GALNT7: variants seen among roughly 807,000 people sequenced by gnomAD.
GALNT7 encodes polypeptide N-acetylgalactosaminyltransferase 7.
A neutral mutation model predicts 82.1 loss-of-function variants in GALNT7; 60 were observed. The observed-to-expected ratio is 0.73, with a 90% CI of 0.59 to 0.91. GALNT7 has a LOEUF of 0.91. Among genes scored for constraint, GALNT7 ranks in the 40% least tolerant of loss-of-function variants. The pLI, the probability that GALNT7 is intolerant of heterozygous loss-of-function variation, is 0.00. For synonymous variants in GALNT7, 243 were observed against 275.1 expected (o/e 0.88, Z 1.15); for missense variants, 660 against 804.2 (o/e 0.82, Z 2.17).
chr4:173,284,442 T>C (rs1736237679), intron 2 of GALNT7, among the ~76,000 whole-genome samples: 2 of 152,208 alleles, frequency 1.3e-5, no homozygotes, highest in African/African-American at 4.8e-5. Context: ...TGGACATATG[T>C]TAATATTTTT....
intron 1 of GALNT7, among the ~76,000 whole-genome samples, chr4:173,224,863 A>T (rs984109846): frequency 6.6e-6 from 1 of 151,744 alleles, no homozygotes. Flanking sequence ...ATTAAAAAAA[A>T]AATTAGCCAG....
At chr4:173,308,833 G>A (rs1427840253) in intron 8 of GALNT7, among the ~76,000 whole-genome samples, 1 of 152,180 alleles carries the variant, frequency 6.6e-6, no homozygotes. Flanking sequence ...AACCCTGGAG[G>A]CAGAGTTTGC....
chr4:173,293,170 T>TA (rs1355191112), intron 3 of GALNT7, among the ~76,000 whole-genome samples: 4 of 152,090 alleles, frequency 2.6e-5, no homozygotes, highest in African/African-American at 4.8e-5. Context: ...TATCATATCC[T>TA]AAAAAAAGTG....
rs59676800 is a variant in GALNT7 at position 173,265,587 on chromosome 4, A to ATCTCTC, written c.587+17175_587+17180dup. On this transcript the variant is annotated intron_variant, in intron 2 of 11. Transcript: ENST00000265000. Reference sequence around the variant, plus strand: ...TACTAGCAGTGATGGTGGCGTAAGCATCTCTCTCTCTCTCTCTCTCTCTCT... The same window carrying ATCTCTC: ...TACTAGCAGTGATGGTGGCGTAAGCATCTCTCTCTCTCTCTCTCTCTCTCTCTCTCT... Among the ~76,000 whole-genome samples the ATCTCTC allele has an allele frequency of 6.2e-3, 726 of 117,994 alleles. 4 individuals are homozygous for ATCTCTC. The highest frequency in any genetic ancestry group is 0.019 in the Middle Eastern group (4 of 212). 77.4% of individuals were successfully genotyped at this position (117,994 alleles called of 152,430 possible).
intron 1 of GALNT7, among the ~76,000 whole-genome samples, chr4:173,221,751 C>G (rs1029455484): frequency 1.3e-5 from 2 of 152,140 alleles, no homozygotes; most frequent in Non-Finnish European, 2.9e-5. Flanking sequence ...TTTTAACATT[C>G]GGCTCTGACT....
At chr4:173,306,059 C>G (rs748848958) in intron 8 of GALNT7, among the ~76,000 whole-genome samples, 5 of 151,890 alleles carry the variant, frequency 3.3e-5, no homozygotes, top group Non-Finnish European at 7.4e-5. Flanking sequence ...TTTGTGTATT[C>G]TTCAATTTAT....
At chr4:173,259,701 G>A (rs991210433) in intron 2 of GALNT7, among the ~76,000 whole-genome samples, 40 of 152,040 alleles carry the variant, frequency 2.6e-4, no homozygotes, top group Non-Finnish European at 5.1e-4. Flanking sequence ...GCAGTGGCAC[G>A]ATCTCAGCTC....
At chr4:173,266,927 G>GT (rs1735522163) in intron 2 of GALNT7, among the ~76,000 whole-genome samples, 6 of 146,278 alleles carry the variant, frequency 4.1e-5, no homozygotes, top group East Asian at 2.0e-4. Context: ...GTGTGTGTGT[G>GT]GAGGGCTGGG....
intron 1 of GALNT7, among the ~76,000 whole-genome samples, chr4:173,178,174 G>A (rs1051783395): frequency 1.3e-5 from 2 of 151,898 alleles, no homozygotes; most frequent in African/African-American, 4.8e-5. Flanking sequence ...TCTGAAATCT[G>A]GTGATTTGAA....
intron 11 of GALNT7, among the ~76,000 whole-genome samples, chr4:173,321,272 A>T (rs1437548926): frequency 6.6e-6 from 1 of 152,180 alleles, no homozygotes; most frequent in South Asian, 2.1e-4. Context: ...TGGGAATGTC[A>T]TTAGCCAGGA....
intron 1 of GALNT7, among the ~76,000 whole-genome samples, chr4:173,220,041 G>A (rs567407298): frequency 2.6e-4 from 40 of 152,228 alleles, no homozygotes; most frequent in African/African-American, 9.1e-4. Flanking sequence ...ATTTGCTTTT[G>A]GGTCCTTAGT....
intron 1 of GALNT7, among the ~76,000 whole-genome samples, chr4:173,227,472 C>G (rs1309221912): frequency 6.6e-6 from 1 of 152,196 alleles, no homozygotes; most frequent in Admixed American, 6.5e-5. Flanking sequence ...GCTGGGACTA[C>G]AGGCACCCAC....
In GALNT7 at chr4:173,292,377, C is replaced by A; in HGVS notation, c.754+103C>A. The A allele has an allele frequency of 3.0e-6, 2 of 669,256 alleles. No homozygotes were observed. Among genetic ancestry groups the A allele is most frequent in the Non-Finnish European group, 5.1e-6 (2 of 395,004 alleles). The allele number at this position is 669,256 out of a possible 1,614,324, so 41.5% of individuals were successfully genotyped here. A position where few individuals can be genotyped will look rare whatever the true frequency, so the allele number is the denominator to read the frequency against. On this transcript the variant is annotated intron_variant, in intron 3 of 11. Coordinates refer to ENST00000265000, the MANE Select transcript of GALNT7 (RefSeq NM_017423.3). This position sits in a 1 kb window ranked among gnomAD's most constrained non-coding sequence, Gnocchi z 4.8. ...ATTAGCTTTAAAAAATTAATAGCAT[C>A]TATTGATAGCATCTGTTATCAACAA...
chr4:173,274,564 C>T (rs1360962691), intron 2 of GALNT7, among the ~76,000 whole-genome samples: 1 of 152,078 alleles, frequency 6.6e-6, no homozygotes, highest in East Asian at 1.9e-4. Context: ...AATCATATAA[C>T]CTAACAGAGC....
chr4:173,224,651 T>TA, intron 1 of GALNT7, among the ~76,000 whole-genome samples: 1 of 152,340 alleles, frequency 6.6e-6, no homozygotes, highest in East Asian at 1.9e-4. Flanking sequence ...AGTTTTGAAT[T>TA]ACAATAAAAT....
At chr4:173,170,209 G>T (rs927973806) in intron 1 of GALNT7, among the ~76,000 whole-genome samples, 7 of 152,222 alleles carry the variant, frequency 4.6e-5, no homozygotes, top group African/African-American at 9.6e-5. Flanking sequence ...GCCAGTGGGG[G>T]TAGGAGAGGG....
chr4:173,178,069 G>GCA (rs1192308719), intron 1 of GALNT7, among the ~76,000 whole-genome samples: 1 of 145,498 alleles, frequency 6.9e-6, no homozygotes, highest in African/African-American at 2.7e-5. Flanking sequence ...ACGCGCGTGC[G>GCA]CACAGACACC....
chr4:173,198,348 G>A (rs1002226269), intron 1 of GALNT7, among the ~76,000 whole-genome samples: 14 of 152,092 alleles, frequency 9.2e-5, no homozygotes, highest in African/African-American at 2.7e-4. Flanking sequence ...GATTACAGGC[G>A]TGAGCCACCG....
intron 1 of GALNT7, among the ~76,000 whole-genome samples, chr4:173,239,388 C>T (rs1007238161): frequency 6.6e-6 from 1 of 152,204 alleles, no homozygotes; most frequent in Non-Finnish European, 1.5e-5. Context: ...GCACTGAGTA[C>T]CTGCTGTCTA....
Sources: allele counts gnomAD v4.1 joint callset (sites outside exome capture counted in the v4.1 genomes callset), GRCh38; gene constraint gnomAD v4.1.1; non-coding constraint Gnocchi (gnomAD v3.1); transcripts MANE v1.5; gene names NCBI Gene and HGNC (gene_info 2026-07-23, HGNC 2026-07-21).